KMT2A: variants seen among roughly 807,000 people sequenced by gnomAD.
The protein encoded by KMT2A is histone-lysine N-methyltransferase 2A.
In KMT2A, 16 loss-of-function variants were observed where a neutral mutation model predicts 345.3. The ratio of observed to expected loss-of-function variants is 0.05; its 90% confidence interval spans 0.03 to 0.07. KMT2A has a LOEUF of 0.07. Ranked by LOEUF, KMT2A falls within the 10% of genes least tolerant of loss-of-function variation. KMT2A has a pLI of 1.00. For missense variants in KMT2A, 3,272 were observed against 4,841.6 expected, an observed-to-expected ratio of 0.68 and a Z score of 9.62; for synonymous variants, 1,599 against 1,778.6, an observed-to-expected ratio of 0.90 and a Z score of 2.54.
At chr11:118,462,026 T>C (rs782043979) in intron 1 of KMT2A, among the ~76,000 whole-genome samples, 1 of 152,062 alleles carries the variant, frequency 6.6e-6, no homozygotes, top group Non-Finnish European at 1.5e-5. Context: ...AGCTTTTGGC[T>C]CAATGCAACC....
At chr11:118,442,756 C>G (rs1467948955) in intron 1 of KMT2A, among the ~76,000 whole-genome samples, 1 of 152,142 alleles carries the variant, frequency 6.6e-6, no homozygotes, top group African/African-American at 2.4e-5. Context: ...GTCTAGGCTT[C>G]TAGAGTATTT....
intron 6 of KMT2A, among the ~76,000 whole-genome samples, chr11:118,481,046 A>G (rs1480896967): frequency 6.6e-6 from 1 of 152,224 alleles, no homozygotes; most frequent in Non-Finnish European, 1.5e-5. Context: ...ACATCAGGGT[A>G]CATGGGATGT....
At position 118,498,098 on chromosome 11, in the gene KMT2A, T is replaced by C; in HGVS notation, c.5802+25T>C. On this transcript the variant is annotated intron_variant, in intron 21 of 35. Coordinates refer to ENST00000534358, the MANE Select transcript of KMT2A (RefSeq NM_001197104.2). This position sits in a 1 kb window ranked among gnomAD's most constrained non-coding sequence, Gnocchi z 4.4. Reference sequence around the variant, plus strand: ...GGTAAGACCTTATGGGTAAATTTTATGAAAGAGATTCCCTCTCAGTTTCCA... The same window carrying C: ...GGTAAGACCTTATGGGTAAATTTTACGAAAGAGATTCCCTCTCAGTTTCCA... The C allele has an allele frequency of 6.2e-7, 1 of 1,607,756 alleles. No homozygotes were observed. The highest frequency in any genetic ancestry group is 8.5e-7 in the Non-Finnish European group (1 of 1,176,564).
rs1460432187 is a variant in KMT2A at position 118,479,891 on chromosome 11, A to G, written c.3570-283A>G. On this transcript the variant is annotated intron_variant, in intron 5 of 35. Coordinates refer to ENST00000534358, the MANE Select transcript of KMT2A (RefSeq NM_001197104.2). The stretch of plus-strand genomic sequence containing the variant: ...CGACTACAAGAAATACTGACTGATC[A>G]TTTTCTGTGTGGTGCTAGTCAGTGT... Among the ~76,000 whole-genome samples, 4 of 152,120 alleles carry G rather than the reference A, an allele frequency of 2.6e-5. No homozygotes were observed. The East Asian group carries it at 5.8e-4, about 22-fold the overall frequency.
Position 118,507,509 on chromosome 11 carries a change from T to C in KMT2A, c.10755-20T>C. On this transcript the variant is annotated intron_variant, in intron 27 of 35. Coordinates refer to ENST00000534358, the MANE Select transcript of KMT2A (RefSeq NM_001197104.2). ...TTACTGGTGGTTTGTCTTGAAAAGA[T>C]ACAAATGCCTGTGTTCCAGGACTCC... 1 of 1,610,154 alleles carries C rather than the reference T, an allele frequency of 6.2e-7. No individual in the cohort carries two copies. Among genetic ancestry groups the C allele is most frequent in the African/African-American group, 1.3e-5 (1 of 74,986 alleles).
chr11:118,519,871 C>T (rs1555052938), intron 32 of KMT2A, 79 bp downstream of exon 32: 1 of 1,559,338 alleles, frequency 6.4e-7, no homozygotes, highest in East Asian at 2.2e-5. Context: ...CCCACATACC[C>T]TTTGAGATTT....
rs1950998145 is a variant in KMT2A, at chr11:118,522,775, C to A, written c.*603C>A. ...GTCATGGGGTTGTGCCAATTAATTA[C>A]CAAACATTGAGCCTGCAGGCTTTGA... is the stretch of plus-strand genomic sequence containing the variant. On this transcript the variant is annotated 3_prime_UTR_variant, in exon 36 of 36. Transcript: ENST00000534358. The surrounding 1 kb of genome is among the most constrained non-coding windows in gnomAD (Gnocchi z 5.4). The A allele has an allele frequency of 9.4e-6, 2 of 212,142 alleles. No homozygotes were observed. Among genetic ancestry groups the A allele is most frequent in the African/African-American group, 4.5e-5 (2 of 44,046 alleles). The allele number at this position is 212,142 out of a possible 1,614,324, so 13.1% of individuals were successfully genotyped here. A position where few individuals can be genotyped will look rare whatever the true frequency, so the allele number is the denominator to read the frequency against.
chr11:118,515,901 TG>T (rs1950803801), intron 31 of KMT2A, among the ~76,000 whole-genome samples: 2 of 152,114 alleles, frequency 1.3e-5, no homozygotes, highest in Non-Finnish European at 2.9e-5. Flanking sequence ...TTGGCCAGGA[TG>T]GTCTCGAACT....
At chr11:118,519,322 A>G (rs2135279436) in intron 31 of KMT2A, 1 of 249,742 alleles carries the variant, frequency 4.0e-6, no homozygotes, top group Non-Finnish European at 7.9e-6. Context: ...ACGAAATGAA[A>G]TAACACGTGT....
chr11:118,469,965 C>A (rs1194614956), intron 2 of KMT2A, among the ~76,000 whole-genome samples: 1 of 152,094 alleles, frequency 6.6e-6, no homozygotes, highest in African/African-American at 2.4e-5. Flanking sequence ...GTGATGAAGT[C>A]TTAAAACTTC....
chr11:118,493,104 T>G lies in KMT2A; in HGVS notation c.5052T>G (p.Pro1684=), dbSNP rs1555043011. The part of the protein sequence containing the change: ...DLNPETEESI[P]SRSSPEGPDP... ...ATCCCGAGACAGAGGAGAGTATACC[T>G]TCCCGCAGCTCCCCCGAAGGACCTG... Residue 1684 remains proline, a synonymous_variant, in exon 16 of 36, where the codon CCT becomes CCG. Transcript: ENST00000534358. The surrounding 1 kb of genome is among the most constrained non-coding windows in gnomAD (Gnocchi z 5.8). The G allele has an allele frequency of 1.1e-5, 17 of 1,614,026 alleles. No homozygotes were observed. The highest frequency in any genetic ancestry group is 1.4e-5 in the Non-Finnish European group (16 of 1,179,928).
Position 118,504,996 on chromosome 11 carries a change from A to C in KMT2A, c.9104A>C (p.Gln3035Pro). 4 of 1,614,184 alleles carry C rather than the reference A, an allele frequency of 2.5e-6. No homozygotes were observed. The highest frequency in any genetic ancestry group is 3.4e-6 in the Non-Finnish European group (4 of 1,180,012). Residue 3035 changes from glutamine (Q) to proline (P), a missense_variant, in exon 27 of 36, where the codon CAG becomes CCG. Gln to Pro is a moderately conservative substitution (Grantham distance 76). Transcript: ENST00000534358. This position sits in a 1 kb window ranked among gnomAD's most constrained non-coding sequence, Gnocchi z 6.4. ...LTRNSSTPGL[Q>P]VPVSPTVPIQ... ...AGGAACAGTAGCACCCCTGGCCTTC[A>C]GGTACCTGTTTCCCCAACTGTTCCC...
At chr11:118,449,422 TA>T (rs557924781) in intron 1 of KMT2A, 2,700 of 142,580 alleles carry the variant, frequency 0.019, 27 homozygotes, top group African/African-American at 0.025. Flanking sequence ...TTTAAAAAAT[TA>T]AAAAAAAAAA....
At chr11:118,469,915 A>G (rs1949914150) in intron 2 of KMT2A, among the ~76,000 whole-genome samples, 1 of 152,232 alleles carries the variant, frequency 6.6e-6, no homozygotes, top group Non-Finnish European at 1.5e-5. Flanking sequence ...GTGTCCCAGT[A>G]TCTGTGCTAT....
intron 1 of KMT2A, chr11:118,448,947 A>T (rs1436344727): frequency 6.6e-6 from 1 of 152,236 alleles, no homozygotes; most frequent in Admixed American, 6.5e-5. Flanking sequence ...CTTGTCATAC[A>T]TTCAGAAAAC....
intron 6 of KMT2A, 72 bp downstream of exon 6, chr11:118,480,310 G>T: frequency 8.8e-7 from 1 of 1,139,124 alleles, no homozygotes; most frequent in Non-Finnish European, 1.3e-6. Context: ...ACACCCAGTA[G>T]AAGAGAATAC....
At chr11:118,444,881 G>A (rs1052658836) in intron 1 of KMT2A, among the ~76,000 whole-genome samples, 1 of 152,116 alleles carries the variant, frequency 6.6e-6, no homozygotes, top group East Asian at 1.9e-4. Flanking sequence ...AACCAGAAAA[G>A]TTTTTGAACC....
At chr11:118,450,612 G>A (rs1949515946) in intron 1 of KMT2A, 1 of 152,128 alleles carries the variant, frequency 6.6e-6, no homozygotes, top group African/African-American at 2.4e-5. Context: ...GAGAATTATT[G>A]TCTTAGCGCT....
In KMT2A at chr11:118,521,180, T is replaced by C. The variant is rs568582848; in HGVS notation, c.11514-108T>C. On this transcript the variant is annotated intron_variant, in intron 34 of 35. Transcript: ENST00000534358. The surrounding 1 kb of genome is among the most constrained non-coding windows in gnomAD (Gnocchi z 5.3). ...GTCCAAATTTTTATTTTCTCAAGTA[T>C]ATGTCCCTCCTGGGGAACTAACAGA... 4 of 1,243,768 alleles carry C rather than the reference T, an allele frequency of 3.2e-6. No homozygotes were observed. Among genetic ancestry groups the C allele is most frequent in the South Asian group, 1.4e-5 (1 of 70,456 alleles). The allele number at this position is 1,243,768 out of a possible 1,614,324, so 77.0% of individuals were successfully genotyped here.
Sources: gnomAD v4.1 joint callset for allele counts (sites outside exome capture counted in the v4.1 genomes callset) on GRCh38, gnomAD v4.1.1 for gene constraint, Gnocchi (gnomAD v3.1) non-coding constraint, MANE v1.5 for transcripts, NCBI Gene and HGNC (gene_info 2026-07-23, HGNC 2026-07-21) for gene names.